SERHL2: variants seen among roughly 807,000 people sequenced by gnomAD.
SERHL2 encodes serine hydrolase-like protein 2.
A neutral mutation model predicts 25.5 loss-of-function variants in SERHL2; 29 were observed. The observed-to-expected ratio is 1.14, with a 90% CI of 0.85 to 1.55. The LOEUF is 1.55. Ranked by LOEUF, SERHL2 falls within the 40% of genes most tolerant of loss-of-function variation. The probability of loss-of-function intolerance (pLI) is 0.00; values close to 1 mark genes in which losing one functional copy is unlikely to be tolerated. For missense variants in SERHL2, 240 were observed against 252.3 expected (o/e 0.95, Z 0.33); for synonymous variants, 95 against 103.5 (o/e 0.92, Z 0.50).
chr22:42,560,402 C>G lies in SERHL2; in HGVS notation c.613+137C>G, dbSNP rs890921839. The G allele has an allele frequency of 5.9e-6, 4 of 672,838 alleles. No individual in the cohort carries two copies. In the Admixed American group the frequency reaches 6.7e-5, roughly 11 times the overall value. The allele number at this position is 672,838 out of a possible 1,614,324, so 41.7% of individuals were successfully genotyped here. On this transcript the variant is annotated intron_variant, in intron 8 of 11. Coordinates refer to ENST00000327678, the MANE Select transcript of SERHL2 (RefSeq NM_014509.5). The stretch of plus-strand genomic sequence containing the variant: ...TCACTGAATCCCCCTCCTGCCTCAC[C>G]CTCATCCCATTTAGAGCAGGAGAAA...
intron 9 of SERHL2, among the ~76,000 whole-genome samples, chr22:42,568,847 T>C (rs1402589663): frequency 3.3e-5 from 5 of 151,696 alleles, no homozygotes; most frequent in African/African-American, 9.7e-5. Flanking sequence ...ACACCTGTAG[T>C]CCCAGCTACT....
rs532224973 is a variant in SERHL2 at position 42,573,534 on chromosome 22, A to G, written c.826-402A>G. 124 of 188,808 alleles carry G rather than the reference A, an allele frequency of 6.6e-4. 5 individuals are homozygous for G. Among genetic ancestry groups the G allele is most frequent in the Non-Finnish European group, 6.3e-4 (58 of 91,354 alleles). 11.7% of individuals were successfully genotyped at this position (188,808 alleles called of 1,614,324 possible). On this transcript the variant is annotated intron_variant, in intron 11 of 11. Transcript: ENST00000327678. The stretch of plus-strand genomic sequence containing the variant: ...CTTGGCCTCCCAAAGTGCTGGGAAT[A>G]CAGGCGTGAGCCACTGCGCCCGGCC...
intron 8 of SERHL2, among the ~76,000 whole-genome samples, chr22:42,562,519 C>G (rs966893455): frequency 6.6e-6 from 1 of 151,616 alleles, no homozygotes; most frequent in Admixed American, 6.6e-5. Context: ...TTACAGAGTG[C>G]GTGAGAAGGG....
intron 5 of SERHL2, 141 bp from the exon 6 acceptor site, chr22:42,556,370 TAGA>T (rs1487560007): frequency 4.6e-6 from 3 of 647,782 alleles, no homozygotes; most frequent in Admixed American, 6.2e-5. Flanking sequence ...ACACCATAGA[TAGA>T]AGATTCTCCT....
intron 10 of SERHL2, 41 bp downstream of exon 10, chr22:42,571,244 A>T (rs1924142167): frequency 6.2e-7 from 1 of 1,607,726 alleles, no homozygotes; most frequent in African/African-American, 1.3e-5. Context: ...CGCCAAGGAG[A>T]CATGGGCGCC....
rs766725093 is a variant in SERHL2, at chr22:42,566,316, A to T, written c.626A>T (p.Asn209Ile). Residue 209 changes from asparagine to isoleucine, a missense_variant, in exon 9 of 12, where the codon AAC becomes ATC. Asn to Ile is a moderately radical substitution (Grantham distance 149). This residue lies in a region of SERHL2 where 212 missense variants were observed against 168.9 expected (regional missense o/e 1.25). Coordinates refer to ENST00000327678, the MANE Select transcript of SERHL2 (RefSeq NM_014509.5). ...TTKVATGLVL[N>I]RDQRLAWAEN... Reference sequence around the variant, plus strand: ...CTTCCGCCTCCAGGTCTGGTTCTGAACAGAGACCAGAGGCTCGCCTGGGTG... The same window carrying T: ...CTTCCGCCTCCAGGTCTGGTTCTGATCAGAGACCAGAGGCTCGCCTGGGTG... The T allele has an allele frequency of 6.2e-7, 1 of 1,612,186 alleles. No individual in the cohort carries two copies. Among genetic ancestry groups the T allele is most frequent in the Admixed American group, 1.7e-5 (1 of 60,016 alleles).
rs1198641173 is a variant in SERHL2 at position 42,560,400 on chromosome 22, A to C, written c.613+135A>C. ...TCTCACTGAATCCCCCTCCTGCCTC[A>C]CCCTCATCCCATTTAGAGCAGGAGA... is the stretch of plus-strand genomic sequence containing the variant. On this transcript the variant is annotated intron_variant, in intron 8 of 11. Transcript: ENST00000327678. 1.2e-5 allele frequency: 8 copies of C among 673,780 alleles called. 1 individual carries two copies. The highest frequency in any genetic ancestry group is 2.1e-5 in the Non-Finnish European group (8 of 375,838). The allele number at this position is 673,780 out of a possible 1,614,324, so 41.7% of individuals were successfully genotyped here. A position where few individuals can be genotyped will look rare whatever the true frequency, so the allele number is the denominator to read the frequency against.
intron 5 of SERHL2, 41 bp from the exon 6 acceptor site, chr22:42,556,473 T>G (rs377566412): frequency 7.4e-6 from 12 of 1,613,274 alleles, no homozygotes; most frequent in Non-Finnish European, 1.0e-5. Flanking sequence ...TGTCCTTTCC[T>G]TCTTCCCCCT....
At chr22:42,559,304 C>T (rs1922374844) in intron 7 of SERHL2, among the ~76,000 whole-genome samples, 1 of 149,132 alleles carries the variant, frequency 6.7e-6, no homozygotes, top group Non-Finnish European at 1.5e-5. Flanking sequence ...TACTCAGCAG[C>T]CTTAGTTGGG....
At chr22:42,566,815 AGC>A (rs1455461917) in intron 9 of SERHL2, among the ~76,000 whole-genome samples, 1 of 152,260 alleles carries the variant, frequency 6.6e-6, no homozygotes, top group African/African-American at 2.4e-5. Flanking sequence ...CTCAAAAAAC[AGC>A]GTCCCATCTG....
chr22:42,572,478 G>C lies in SERHL2; in HGVS notation c.774G>C (p.Glu258Asp), dbSNP rs201031668. Residue 258 changes from glutamate to aspartate, a missense_variant, in exon 11 of 12, where the codon GAG becomes GAC. By Grantham distance (45) the Glu-to-Asp change is conservative. Around this residue, in one of 4 missense-constraint regions of SERHL2, gnomAD observed 212 missense variants for 168.9 expected, o/e 1.25. Transcript: ENST00000327678. ...GYFDSRQNYS[E>D]KESLSFMIDT... is the part of the protein sequence containing the mutation. ...TTGATTCAAGACAGAATTACTCTGA[G>C]AAGGAGTCCCTGTCGTTCATGATAG... is the stretch of plus-strand genomic sequence containing the variant. 2.4e-4 allele frequency: 391 copies of C among 1,612,084 alleles called. 3 individuals carry two copies. Among genetic ancestry groups the C allele is most frequent in the Non-Finnish European group, 3.0e-4 (351 of 1,178,386 alleles).
At position 42,566,324 on chromosome 22, in the gene SERHL2, C is replaced by T. The variant is rs200238208; in HGVS notation, c.634C>T (p.Gln212Ter). ...VATGLVLNRD[Q>*]RLAWAENSID... is the part of the protein sequence containing the mutation. Reference sequence around the variant, plus strand: ...TCCAGGTCTGGTTCTGAACAGAGACCAGAGGCTCGCCTGGGTGAGTACCAC... The same window carrying T: ...TCCAGGTCTGGTTCTGAACAGAGACTAGAGGCTCGCCTGGGTGAGTACCAC... The change falls in exon 9 of 12, where the codon CAG becomes TAG. Residue 212 changes from glutamine (Q) to a stop codon, truncating the protein, a stop_gained. Transcript: ENST00000327678. LOFTEE classifies it high-confidence loss of function. The T allele has an allele frequency of 4.5e-5, 73 of 1,612,068 alleles. No homozygotes were observed. The East Asian group carries it at 1.6e-3, about 35-fold the overall frequency.
At chr22:42,554,646 A>G (rs1922006763) in intron 1 of SERHL2, among the ~76,000 whole-genome samples, 1 of 151,938 alleles carries the variant, frequency 6.6e-6, no homozygotes, top group Non-Finnish European at 1.5e-5. Flanking sequence ...TCCAGGCCTG[A>G]CCAGCGCCCC....
Position 42,556,814 on chromosome 22 carries a change from G to A in SERHL2, c.423+226G>A, listed in dbSNP as rs9620061. On this transcript the variant is annotated intron_variant, in intron 6 of 11. Coordinates refer to ENST00000327678, the MANE Select transcript of SERHL2 (RefSeq NM_014509.5). ...GTGGGGGACCCCTTGGAAACTGGAT[G>A]TGTGGCTCGGGATCTGCAGAATGCC... is the stretch of plus-strand genomic sequence containing the variant. The A allele has an allele frequency of 7.0e-3, 2,846 of 405,922 alleles. 50 individuals carry two copies. The African/African-American group carries it at 0.079, about 11-fold the overall frequency. 25.1% of individuals were successfully genotyped at this position (405,922 alleles called of 1,614,324 possible).
intron 8 of SERHL2, among the ~76,000 whole-genome samples, chr22:42,560,756 G>T (rs1333765791): frequency 6.6e-6 from 1 of 151,852 alleles, no homozygotes; most frequent in East Asian, 1.9e-4. Flanking sequence ...TTTCTTATGA[G>T]ACAAGGTCTC....
intron 10 of SERHL2, chr22:42,571,937 C>T (rs371991865): frequency 2.2e-3 from 12 of 5,576 alleles, no homozygotes; most frequent in Non-Finnish European, 2.2e-3. Flanking sequence ...CTGTTGGGGG[C>T]GGGGGGCGGG....
intron 1 of SERHL2, 163 bp from the exon 2 acceptor site, chr22:42,554,775 T>C (rs1344705617): frequency 1.8e-5 from 11 of 597,492 alleles, no homozygotes; most frequent in Non-Finnish European, 3.0e-6. Flanking sequence ...TCCACTCCCA[T>C]GTCTGACTCT....
At chr22:42,554,121 G>T in intron 1 of SERHL2, 79 bp downstream of exon 1, 1 of 1,536,164 alleles carries the variant, frequency 6.5e-7, no homozygotes, top group Non-Finnish European at 8.9e-7. Flanking sequence ...GGGATGGAGT[G>T]GAGGGTTCGC....
intron 9 of SERHL2, among the ~76,000 whole-genome samples, chr22:42,567,633 C>G (rs554331231): frequency 6.6e-6 from 1 of 150,770 alleles, no homozygotes; most frequent in Admixed American, 6.6e-5. Context: ...CACTGCAGTT[C>G]GCAGTCCGGC....
Sources: gnomAD v4.1 joint callset for allele counts (sites outside exome capture counted in the v4.1 genomes callset) on GRCh38, gnomAD v4.1.1 for gene constraint, gnomAD v4.1.1 regional missense constraint, MANE v1.5 for transcripts, NCBI Gene and HGNC (gene_info 2026-07-23, HGNC 2026-07-21) for gene names.